CRNKL1: variants seen among roughly 807,000 people sequenced by gnomAD.
CRNKL1 encodes crooked neck pre-mRNA splicing factor 1.
CRNKL1 carries 35 observed loss-of-function variants against 103.7 expected under a neutral mutation model. The ratio of observed to expected loss-of-function variants is 0.34; its 90% confidence interval spans 0.26 to 0.45. CRNKL1 has a LOEUF of 0.45. Among genes scored for constraint, CRNKL1 ranks in the 20% least tolerant of loss-of-function variants. CRNKL1 has a pLI of 1.00. For missense variants in CRNKL1, 645 were observed against 836.0 expected (o/e 0.77, Z 2.82); for synonymous variants, 267 against 282.6 (o/e 0.94, Z 0.55).
intron 5 of CRNKL1, among the ~76,000 whole-genome samples, chr20:20,046,358 C>T (rs575489326): frequency 5.9e-5 from 9 of 152,262 alleles, no homozygotes; most frequent in African/African-American, 1.7e-4. Flanking sequence ...TAAAAGCTTT[C>T]GTCAAACTAA....
intron 5 of CRNKL1, among the ~76,000 whole-genome samples, chr20:20,046,732 C>T (rs2043600151): frequency 1.3e-5 from 2 of 152,192 alleles, no homozygotes. Context: ...AGCCACAGCT[C>T]CTTGCACTAC....
rs779082874 is a variant in CRNKL1, at chr20:20,039,785, G to C, written c.1369C>G (p.Gln457Glu). 3.1e-6 allele frequency: 5 copies of C among 1,614,028 alleles called. No individual in the cohort carries two copies. The African/African-American group carries it at 6.7e-5, about 22-fold the overall frequency. ...LFKVYIELEL[Q>E]LREFDRCRKL... Reference sequence around the variant, plus strand: ...CGGCATCTGTCAAATTCTCGAAGCTGTAGCTCCAATTCTATGTAAACTTTA... The same window carrying C: ...CGGCATCTGTCAAATTCTCGAAGCTCTAGCTCCAATTCTATGTAAACTTTA... The change falls in exon 11 of 14, where the codon CAG (glutamine) becomes GAG (glutamate). Residue 457 changes from glutamine to glutamate, a missense_variant. Physicochemically the swap from Gln to Glu is conservative, Grantham distance 29 (BLOSUM62 2). Coordinates refer to ENST00000536226, the MANE Select transcript of CRNKL1 (RefSeq NM_001278628.2).
Position 20,034,734 on chromosome 20 carries a change from G to GCAGT in CRNKL1, c.*1457_*1460dup, listed in dbSNP as rs532612958. On this transcript the variant is annotated 3_prime_UTR_variant, in exon 14 of 14. Coordinates refer to ENST00000536226, the MANE Select transcript of CRNKL1 (RefSeq NM_001278628.2). ...AGCTGATGCTCGTCCAGTGACTAAAGCAGTCAGGCTGAAAACAGATTTTAT... is the reference window on the plus strand; with the variant it reads ...AGCTGATGCTCGTCCAGTGACTAAAGCAGTCAGTCAGGCTGAAAACAGATTTTAT... The GCAGT allele has an allele frequency of 6.6e-6, 1 of 152,342 alleles. No individual in the cohort carries two copies. The highest frequency in any genetic ancestry group is 1.9e-4 in the East Asian group (1 of 5,180). 9.4% of individuals were successfully genotyped at this position (152,342 alleles called of 1,614,324 possible). A position where few individuals can be genotyped will look rare whatever the true frequency, so the allele number is the denominator to read the frequency against.
rs2146489689 is a variant in CRNKL1, at chr20:20,041,566, C to T, written c.1224G>A (p.Lys408=). 1 of 1,611,602 alleles carries T rather than the reference C, an allele frequency of 6.2e-7. No homozygotes were observed. The highest frequency in any genetic ancestry group is 1.7e-4 in the Middle Eastern group (1 of 6,060). Residue 408 remains lysine, a splice_region_variant and synonymous_variant, in exon 9 of 14, where the codon AAG becomes AAA. Transcript: ENST00000536226. ...QASLELIPHK[K]FTFAKMWILY... ...ATGGAACACTTTAGAGCAAACATAC[C>T]TTTTTGTGAGGAATTAGTTCCAAAG...
chr20:20,053,187 T>A (rs1319119651), upstream of CRNKL1, among the ~76,000 whole-genome samples: 1 of 152,222 alleles, frequency 6.6e-6, no homozygotes, highest in Non-Finnish European at 1.5e-5. Flanking sequence ...TTAGCTGTTA[T>A]AATACTTAAC....
intron 6 of CRNKL1, among the ~76,000 whole-genome samples, chr20:20,044,169 A>G (rs182392155): frequency 1.5e-3 from 221 of 152,170 alleles, no homozygotes; most frequent in African/African-American, 4.9e-3. Flanking sequence ...GCCCACTTCA[A>G]AAGTCTCCCC....
upstream of CRNKL1, chr20:20,052,890 G>A (rs1185820589): frequency 1.2e-5 from 8 of 643,274 alleles, no homozygotes; most frequent in African/African-American, 1.9e-5. Context: ...ACGCCCCCTC[G>A]TTTCTGGTTT....
chr20:20,040,542 C>A, intron 10 of CRNKL1, 144 bp downstream of exon 10: 2 of 659,704 alleles, frequency 3.0e-6, no homozygotes. Flanking sequence ...ACAGAGGACG[C>A]ATGTTTTCTA....
intron 6 of CRNKL1, among the ~76,000 whole-genome samples, chr20:20,044,062 A>G (rs993690375): frequency 1.3e-5 from 2 of 152,046 alleles, no homozygotes; most frequent in Admixed American, 6.6e-5. Context: ...CTCATACTCC[A>G]TATTCACTCT....
intron 10 of CRNKL1, among the ~76,000 whole-genome samples, chr20:20,040,119 A>AG (rs1454094184): frequency 2.0e-5 from 3 of 152,168 alleles, no homozygotes; most frequent in African/African-American, 7.2e-5. Context: ...AGGATCTCCT[A>AG]GGGAATAGGG....
intron 5 of CRNKL1, 145 bp from the exon 6 acceptor site, chr20:20,045,631 A>G: frequency 1.5e-6 from 1 of 669,694 alleles, no homozygotes. Flanking sequence ...ACAAAAGTGT[A>G]GAATTAAACA....
chr20:20,054,776 T>A (rs761193157), upstream of CRNKL1, among the ~76,000 whole-genome samples: 1 of 152,264 alleles, frequency 6.6e-6, no homozygotes, highest in South Asian at 2.1e-4. Flanking sequence ...TTATAGACAG[T>A]CTGTCTTTTG....
In CRNKL1 at chr20:20,039,600, G is replaced by A; in HGVS notation, c.1545+9C>T. 2 of 1,612,958 alleles carry A rather than the reference G, an allele frequency of 1.2e-6. No homozygotes were observed. Among genetic ancestry groups the A allele is most frequent in the South Asian group, 1.1e-5 (1 of 90,902 alleles). The stretch of plus-strand genomic sequence containing the variant: ...TCAAACAAAATTATATTTGACTTGA[G>A]ATGCTCACCTCTGGCATGTCTAAAC... On this transcript the variant is annotated intron_variant, in intron 11 of 13. Transcript: ENST00000536226.
In CRNKL1 at chr20:20,042,464, C is replaced by G; in HGVS notation, c.1025G>C (p.Ser342Thr). 1.2e-6 allele frequency: 2 copies of G among 1,614,144 alleles called. No individual in the cohort carries two copies. The highest frequency in any genetic ancestry group is 2.7e-5 in the African/African-American group (2 of 75,056). Residue 342 changes from serine (S) to threonine (T), a missense_variant, in exon 8 of 14, where the codon AGT becomes ACT. Ser to Thr is a moderately conservative substitution (Grantham distance 58). Coordinates refer to ENST00000536226, the MANE Select transcript of CRNKL1 (RefSeq NM_001278628.2). ...AWFDYLRLVE[S>T]DAEAEAVREV... ...TCTCACGGCTTCAGCTTCTGCGTCA[C>G]TTTCTACCAAGCGCAAGTAATCAAA...
Position 20,037,492 on chromosome 20 carries a change from T to G in CRNKL1, c.1727A>C (p.Glu576Ala). Residue 576 changes from glutamate (E) to alanine (A), a missense_variant, in exon 13 of 14, where the codon GAA (glutamate) becomes GCA (alanine). Glu to Ala is a moderately radical substitution (Grantham distance 107). This residue lies in a region of CRNKL1 where 582 missense variants were observed against 707.7 expected (regional missense o/e 0.82). Transcript: ENST00000536226. ...ACAGTTTCGCATGGTTTTGTTAGCT[T>G]CTTCATAAATTTGTCTGCATTTAGT... ...SLTKCRQIYE[E>A]ANKTMRNCEE... The G allele has an allele frequency of 6.2e-7, 1 of 1,614,222 alleles. No homozygotes were observed. Among genetic ancestry groups the G allele is most frequent in the Non-Finnish European group, 8.5e-7 (1 of 1,180,034 alleles).
chr20:20,034,799 T>TTA lies in CRNKL1; in HGVS notation c.*1394_*1395dup, dbSNP rs2043393355. 1 of 152,184 alleles carries TTA rather than the reference T, an allele frequency of 6.6e-6. No homozygotes were observed. The highest frequency in any genetic ancestry group is 1.5e-5 in the Non-Finnish European group (1 of 68,034). 9.4% of individuals were successfully genotyped at this position (152,184 alleles called of 1,614,324 possible). A position where few individuals can be genotyped will look rare whatever the true frequency, so the allele number is the denominator to read the frequency against. ...TAGTTTCTTCTGTCCTCAAACACTGTTATTTATTTTCAAGATAAAATTTAG... is the reference window on the plus strand; with the variant it reads ...TAGTTTCTTCTGTCCTCAAACACTGTTATATTTATTTTCAAGATAAAATTTAG... On this transcript the variant is annotated 3_prime_UTR_variant, in exon 14 of 14. Transcript: ENST00000536226.
chr20:20,036,097 T>C lies in CRNKL1; in HGVS notation c.*98A>G. On this transcript the variant is annotated 3_prime_UTR_variant, in exon 14 of 14. Coordinates refer to ENST00000536226, the MANE Select transcript of CRNKL1 (RefSeq NM_001278628.2). ...AGTAGCCATCAAAGATACCAATCAA[T>C]TTCTTACTGGTGAAATATATAAGAA... The C allele has an allele frequency of 4.0e-6, 5 of 1,244,324 alleles. No homozygotes were observed. The highest frequency in any genetic ancestry group is 4.4e-6 in the Non-Finnish European group (4 of 903,730). The allele number at this position is 1,244,324 out of a possible 1,614,324, so 77.1% of individuals were successfully genotyped here. A position where few individuals can be genotyped will look rare whatever the true frequency, so the allele number is the denominator to read the frequency against.
chr20:20,042,838 A>G (rs2043537389), intron 7 of CRNKL1, among the ~76,000 whole-genome samples: 1 of 152,236 alleles, frequency 6.6e-6, no homozygotes, highest in South Asian at 2.1e-4. Flanking sequence ...ATGTATCATT[A>G]TGTCTGTAAC....
intron 11 of CRNKL1, 53 bp downstream of exon 11, chr20:20,039,556 G>GT (rs1341272393): frequency 3.7e-6 from 6 of 1,600,918 alleles, no homozygotes; most frequent in Non-Finnish European, 5.1e-6. Flanking sequence ...GTCATCTAAA[G>GT]TAAGACTAAA....
Sources: gnomAD v4.1 joint callset for allele counts (sites outside exome capture counted in the v4.1 genomes callset) on GRCh38, gnomAD v4.1.1 for gene constraint, gnomAD v4.1.1 regional missense constraint, MANE v1.5 for transcripts, NCBI Gene and HGNC (gene_info 2026-07-23, HGNC 2026-07-21) for gene names.